The following ERC1 variants were observed in gnomAD, a reference collection of about 807,000 sequenced individuals.
ERC1 encodes the protein RAB6 interacting protein 2.
A neutral mutation model predicts 132.0 loss-of-function variants in ERC1; 56 were observed. The observed-to-expected ratio is 0.42, with a 90% CI of 0.34 to 0.53. ERC1 has a LOEUF of 0.53. Ranked by LOEUF, ERC1 falls within the 20% of genes least tolerant of loss-of-function variation. The pLI is 0.03. For missense variants in ERC1, 1,202 were observed against 1,349.9 expected, an observed-to-expected ratio of 0.89 and a Z score of 1.72; for synonymous variants, 478 against 476.1, an observed-to-expected ratio of 1.00 and a Z score of -0.05.
At chr12:1,376,388 G>A (rs1372448057) in intron 16 of ERC1, among the ~76,000 whole-genome samples, 1 of 134,416 alleles carries the variant, frequency 7.4e-6, no homozygotes, top group Non-Finnish European at 1.6e-5. Context: ...ACTCGCCTTC[G>A]AGTTCTGTGA....
rs150799986 is a variant in ERC1, at chr12:1,073,961, G to A, written c.670-9203G>A. ...CACTCACTGCAACCTCCGCCTCCCG[G>A]ATAAGCGATTCTCCTGCCTTAGCCT... On this transcript the variant is annotated intron_variant, in intron 2 of 18. Coordinates refer to ENST00000360905, the MANE Select transcript of ERC1 (RefSeq NM_178040.4). Among the ~76,000 whole-genome samples the A allele has an allele frequency of 6.2e-3, 857 of 138,518 alleles. 1 individual carries two copies. Among genetic ancestry groups the A allele is most frequent in the African/African-American group, 0.02 (760 of 38,008 alleles). The allele number at this position is 138,518 out of a possible 152,430, so 90.9% of individuals were successfully genotyped here. A position where few individuals can be genotyped will look rare whatever the true frequency, so the allele number is the denominator to read the frequency against.
chr12:1,026,021 C>CT lies in ERC1; in HGVS notation c.-156-1725dup, dbSNP rs1424164219. 2.0e-5 allele frequency among the ~76,000 whole-genome samples: 3 copies of CT among 152,194 alleles called. No individual in the cohort carries two copies. The East Asian group carries it at 5.8e-4, about 29-fold the overall frequency. On this transcript the variant is annotated intron_variant, in intron 1 of 18. Transcript: ENST00000360905. ...GTGTTGGTCAGGCTGGTCTCGAACT[C>CT]TTGATGTCAGGTGATCCACCCGCCT... is the stretch of plus-strand genomic sequence containing the variant.
chr12:1,241,844 C>CTTTTTTTTTTT (rs2075816523), intron 13 of ERC1, among the ~76,000 whole-genome samples: 1 of 98,280 alleles, frequency 1.0e-5, no homozygotes, highest in Non-Finnish European at 2.1e-5. Context: ...ATTTCTTCTT[C>CTTTTTTTTTTT]TTCTTTTTTT....
intron 16 of ERC1, among the ~76,000 whole-genome samples, chr12:1,383,558 TG>T (rs2088954999): frequency 6.6e-6 from 1 of 152,132 alleles, no homozygotes; most frequent in African/African-American, 2.4e-5. Context: ...CACTTGAACC[TG>T]GGAGGCGGAG....
At chr12:1,441,337 AG>A (rs2093148199) in intron 17 of ERC1, among the ~76,000 whole-genome samples, 1 of 152,230 alleles carries the variant, frequency 6.6e-6, no homozygotes, top group Non-Finnish European at 1.5e-5. Context: ...CTGGGATTAC[AG>A]GCATGAGCCA....
chr12:1,181,807 T>C (rs1954503966), intron 9 of ERC1, 118 bp from the exon 10 acceptor site: 1 of 1,148,318 alleles, frequency 8.7e-7, no homozygotes, highest in Admixed American at 2.9e-5. Flanking sequence ...AAGTGGATTC[T>C]TTAAAAACTT....
chr12:1,405,670 T>C (rs1000630329), intron 16 of ERC1, among the ~76,000 whole-genome samples: 1 of 152,100 alleles, frequency 6.6e-6, no homozygotes, highest in Non-Finnish European at 1.5e-5. Context: ...GCCATTGCAC[T>C]CCAGTCTGGG....
chr12:1,126,506 A>G (rs1182532504), intron 7 of ERC1, among the ~76,000 whole-genome samples: 2 of 152,358 alleles, frequency 1.3e-5, no homozygotes, highest in Non-Finnish European at 2.9e-5. Context: ...AGTGTTAAAG[A>G]GAAACTATAA....
chr12:1,063,225 C>T lies in ERC1; in HGVS notation c.670-19939C>T, dbSNP rs748814449. Among the ~76,000 whole-genome samples, 14 of 147,130 alleles carry T rather than the reference C, an allele frequency of 9.5e-5. 1 individual carries two copies. Among genetic ancestry groups the T allele is most frequent in the Middle Eastern group, 3.4e-3 (1 of 290 alleles). ...TGGGGATTACAAGCATGTGCCACCA[C>T]GCCTGGCTGATTTTTTGCATGTATG... On this transcript the variant is annotated intron_variant, in intron 2 of 18. Coordinates refer to ENST00000360905, the MANE Select transcript of ERC1 (RefSeq NM_178040.4).
chr12:1,100,620 A>T (rs1308808363), intron 3 of ERC1, among the ~76,000 whole-genome samples: 1 of 152,126 alleles, frequency 6.6e-6, no homozygotes, highest in Non-Finnish European at 1.5e-5. Flanking sequence ...ATATAGGTGT[A>T]AGAAAAAAAG....
At chr12:1,220,846 C>T (rs1958912697) in intron 12 of ERC1, among the ~76,000 whole-genome samples, 1 of 152,216 alleles carries the variant, frequency 6.6e-6, no homozygotes, top group South Asian at 2.1e-4. Flanking sequence ...TCATTAGTGG[C>T]CTGCTGCATC....
At chr12:1,356,843 C>T (rs2085587809) in intron 15 of ERC1, among the ~76,000 whole-genome samples, 1 of 152,180 alleles carries the variant, frequency 6.6e-6, no homozygotes, top group South Asian at 2.1e-4. Flanking sequence ...TCATTCCAAA[C>T]CTGTGTAGGA....
Position 1,083,589 on chromosome 12 carries a change from C to T in ERC1, c.1086+9C>T. On this transcript the variant is annotated intron_variant, in intron 3 of 18. Coordinates refer to ENST00000360905, the MANE Select transcript of ERC1 (RefSeq NM_178040.4). ...ACAGTATGTTGAGAGAGGTATGTGACTACTTTTTTAGTTTTATGATTTGTT... is the reference window on the plus strand; with the variant it reads ...ACAGTATGTTGAGAGAGGTATGTGATTACTTTTTTAGTTTTATGATTTGTT... The T allele has an allele frequency of 6.4e-7, 1 of 1,563,968 alleles. No homozygotes were observed. The highest frequency in any genetic ancestry group is 8.6e-7 in the Non-Finnish European group (1 of 1,160,778).
intron 16 of ERC1, among the ~76,000 whole-genome samples, chr12:1,385,180 TAC>T (rs1196086836): frequency 6.6e-6 from 1 of 152,242 alleles, no homozygotes; most frequent in Non-Finnish European, 1.5e-5. Flanking sequence ...TCCCCTAGTC[TAC>T]AGTGTTTAAC....
rs2094073342 is a variant in ERC1, at chr12:1,480,740, G to A, written c.3214-9353G>A. 1.5e-5 allele frequency: 10 copies of A among 676,224 alleles called. 1 individual carries two copies. Among genetic ancestry groups the A allele is most frequent in the South Asian group, 1.1e-4 (7 of 64,654 alleles). The allele number at this position is 676,224 out of a possible 1,614,324, so 41.9% of individuals were successfully genotyped here. A position where few individuals can be genotyped will look rare whatever the true frequency, so the allele number is the denominator to read the frequency against. ...AAGATAAGCAGGTGTGGGAGGGGGT[G>A]TGGGTAGTGGGCAGGGGGTTGAAGA... On this transcript the variant is annotated intron_variant, in intron 18 of 18. Coordinates refer to ENST00000360905, the MANE Select transcript of ERC1 (RefSeq NM_178040.4).
chr12:1,246,599 A>G (rs567706187), intron 13 of ERC1, among the ~76,000 whole-genome samples: 70 of 152,304 alleles, frequency 4.6e-4, no homozygotes, highest in African/African-American at 1.4e-3. Context: ...TAAGGTGTTT[A>G]TTTATTTTAA....
intron 12 of ERC1, among the ~76,000 whole-genome samples, chr12:1,190,843 G>A (rs1051869050): frequency 2.0e-5 from 3 of 151,944 alleles, no homozygotes; most frequent in African/African-American, 7.2e-5. Flanking sequence ...GTGACAGAAA[G>A]GGGTCACTAA....
At chr12:1,063,682 A>G (rs1299231171) in intron 2 of ERC1, among the ~76,000 whole-genome samples, 1 of 152,084 alleles carries the variant, frequency 6.6e-6, no homozygotes, top group African/African-American at 2.4e-5. Context: ...TAATTGGGGA[A>G]TTTAAACCAT....
At chr12:1,465,540 A>G (rs1015480547) in intron 18 of ERC1, among the ~76,000 whole-genome samples, 1 of 152,238 alleles carries the variant, frequency 6.6e-6, no homozygotes, top group African/African-American at 2.4e-5. Context: ...GTAAATTTAA[A>G]CAAAAAGGTG....
Sources: gnomAD v4.1 joint callset for allele counts (sites outside exome capture counted in the v4.1 genomes callset) on GRCh38, gnomAD v4.1.1 for gene constraint, MANE v1.5 for transcripts, NCBI Gene and HGNC (gene_info 2026-07-23, HGNC 2026-07-21) for gene names.